ACP7: variants seen among roughly 807,000 people sequenced by gnomAD.
ACP7 encodes acid phosphatase 7, tartrate resistant (putative).
In ACP7, 58 loss-of-function variants were observed where a neutral mutation model predicts 60.6. That is an observed-to-expected ratio of 0.96 (90% CI 0.77 to 1.19). The LOEUF is 1.19. ACP7 is among the 50% of genes most tolerant of loss of function. ACP7 has a pLI of 0.00. For synonymous variants in ACP7, 237 were observed against 232.6 expected, an observed-to-expected ratio of 1.02 and a Z score of -0.17; for missense variants, 574 against 596.2, an observed-to-expected ratio of 0.96 and a Z score of 0.39.
intron 4 of ACP7, 34 bp downstream of exon 4, chr19:39,099,176 T>G (rs1399465977): frequency 5.8e-5 from 75 of 1,302,320 alleles, no homozygotes; most frequent in South Asian, 1.6e-4. Flanking sequence ...GCAGGGACGG[T>G]GGGGGGCGCG....
At chr19:39,102,739 C>CTT (rs1317052824) in intron 11 of ACP7, among the ~76,000 whole-genome samples, 10 of 82,272 alleles carry the variant, frequency 1.2e-4, no homozygotes, top group Non-Finnish European at 1.8e-4. Context: ...TTCTTTCTTT[C>CTT]TTTCTTTCTT....
chr19:39,090,030 C>G (rs2073186175), intron 2 of ACP7, among the ~76,000 whole-genome samples: 1 of 152,184 alleles, frequency 6.6e-6, no homozygotes, highest in Non-Finnish European at 1.5e-5. Flanking sequence ...TGTTTGCTCA[C>G]TAATTTTAGC....
At chr19:39,086,327 T>TA (rs961897907) in intron 2 of ACP7, among the ~76,000 whole-genome samples, 41 of 144,462 alleles carry the variant, frequency 2.8e-4, no homozygotes, top group South Asian at 6.5e-4. Context: ...ACCCTGTCTT[T>TA]AAAAAAAAAA....
rs1437689941 is a variant in ACP7 at position 39,100,612 on chromosome 19, T to C, written c.662T>C (p.Met221Thr). The C allele has an allele frequency of 6.2e-7, 1 of 1,613,918 alleles. No homozygotes were observed. The highest frequency in any genetic ancestry group is 1.3e-5 in the African/African-American group (1 of 74,868). Residue 221 changes from methionine to threonine, a missense_variant, in exon 6 of 13, where the codon ATG becomes ACG. Met to Thr is a moderately conservative substitution (Grantham distance 81). Coordinates refer to ENST00000331256, the MANE Select transcript of ACP7 (RefSeq NM_001004318.3). ...TCTAACTACAAGGCTCGCTTCAGCA[T>C]GCCGGGGGATAATGAGGGCCTGTGG... ...NFSNYKARFS[M>T]PGDNEGLWYS...
rs1262444641 is a variant in ACP7, at chr19:39,102,732, TTTC to T, written c.1113+1198_1113+1200del. ...ATGAAGACTTTTCTTTCTTTCTTTC[TTTC>T]TTTCTTTCTTTCTTTCTTTCTTTCT... On this transcript the variant is annotated intron_variant, in intron 11 of 12. Transcript: ENST00000331256. 1.8e-3 allele frequency among the ~76,000 whole-genome samples: 136 copies of T among 76,892 alleles called. 2 individuals carry two copies. The highest frequency in any genetic ancestry group is 5.5e-3 in the African/African-American group (120 of 21,696). 50.4% of individuals were successfully genotyped at this position (76,892 alleles called of 152,430 possible). A position where few individuals can be genotyped will look rare whatever the true frequency, so the allele number is the denominator to read the frequency against.
rs745789284 is a variant in ACP7, at chr19:39,098,504, C to A, written c.168C>A (p.Thr56=). 7 of 1,606,342 alleles carry A rather than the reference C, an allele frequency of 4.4e-6. No individual in the cohort carries two copies. In the African/African-American group the frequency reaches 5.4e-5, roughly 12 times the overall value. ...MTVTWTTWVP[T]RSEVQFGLQP... ...TAACTTGGACCACATGGGTCCCAAC[C>A]CGCTCTGAAGTGCAATTCGGGTTGC... is the stretch of plus-strand genomic sequence containing the variant. The change falls in exon 3 of 13, where the codon ACC becomes ACA. Residue 56 remains threonine (T), a synonymous_variant. Coordinates refer to ENST00000331256, the MANE Select transcript of ACP7 (RefSeq NM_001004318.3).
chr19:39,100,812 T>G lies in ACP7; in HGVS notation c.766T>G (p.Leu256Val). ...TTTCTTTCTCCATTATGGCCGCCAC[T>G]TGGTACAGAGGCAGTTTCGCTGGCT... ...VYFFLHYGRH[L>V]VQRQFRWLES... The change falls in exon 7 of 13, where the codon TTG becomes GTG. Residue 256 changes from leucine to valine, a missense_variant. By Grantham distance (32) the Leu-to-Val change is conservative. Coordinates refer to ENST00000331256, the MANE Select transcript of ACP7 (RefSeq NM_001004318.3). 1 of 1,613,988 alleles carries G rather than the reference T, an allele frequency of 6.2e-7. No individual in the cohort carries two copies. The highest frequency in any genetic ancestry group is 8.5e-7 in the Non-Finnish European group (1 of 1,180,002).
intron 5 of ACP7, 103 bp from the exon 6 acceptor site, chr19:39,100,477 G>A (rs2073326622): frequency 6.9e-6 from 11 of 1,601,620 alleles, no homozygotes; most frequent in East Asian, 6.7e-5. Flanking sequence ...GGAGATGGGG[G>A]TGGGCTGGAA....
intron 2 of ACP7, among the ~76,000 whole-genome samples, chr19:39,088,528 G>T (rs997728062): frequency 6.6e-6 from 1 of 152,152 alleles, no homozygotes; most frequent in Non-Finnish European, 1.5e-5. Flanking sequence ...AGCCTACACA[G>T]TAACAATGGC....
intron 2 of ACP7, among the ~76,000 whole-genome samples, chr19:39,096,487 T>G (rs910646832): frequency 1.3e-5 from 2 of 152,198 alleles, no homozygotes; most frequent in Non-Finnish European, 2.9e-5. Context: ...TATCAGTATT[T>G]TTGTCAAAGC....
chr19:39,098,253 CAAAAAAAAA>C (rs59373149), intron 2 of ACP7, among the ~76,000 whole-genome samples, 196 bp from the exon 3 acceptor site: 1,731 of 65,048 alleles, frequency 0.027, 27 homozygotes, highest in Non-Finnish European at 0.037. Flanking sequence ...GACCCTGACT[CAAAAAAAAA>C]AAAAAAAAAA....
Position 39,109,322 on chromosome 19 carries a change from C to T in ACP7, c.1252-731C>T, listed in dbSNP as rs1220238198. Among the ~76,000 whole-genome samples the T allele has an allele frequency of 4.6e-5, 7 of 152,122 alleles. No homozygotes were observed. The South Asian group carries it at 6.2e-4, about 14-fold the overall frequency. On this transcript the variant is annotated intron_variant, in intron 12 of 12. Coordinates refer to ENST00000331256, the MANE Select transcript of ACP7 (RefSeq NM_001004318.3). The stretch of plus-strand genomic sequence containing the variant: ...GCAGACTTTTGTGTGCATGATCTCA[C>T]TCTGTTCTCATGATGACTCTGGGCA...
chr19:39,107,142 T>A, intron 12 of ACP7, 58 bp downstream of exon 12: 1 of 1,550,294 alleles, frequency 6.5e-7, no homozygotes, highest in Non-Finnish European at 8.7e-7. Context: ...TCCAAGCAAA[T>A]GAGCTGTTAA....
intron 2 of ACP7, among the ~76,000 whole-genome samples, chr19:39,095,572 T>C (rs967585916): frequency 6.6e-6 from 1 of 152,214 alleles, no homozygotes; most frequent in Non-Finnish European, 1.5e-5. Flanking sequence ...TTCTGCAGCT[T>C]TTCCAGGAAC....
intron 2 of ACP7, among the ~76,000 whole-genome samples, chr19:39,094,239 C>G (rs946831791): frequency 2.6e-5 from 4 of 151,968 alleles, no homozygotes; most frequent in African/African-American, 9.7e-5. Flanking sequence ...GGTGGCTCAC[C>G]CAAAGTGCTG....
chr19:39,091,600 T>C (rs2144974715), intron 2 of ACP7, among the ~76,000 whole-genome samples: 1 of 152,320 alleles, frequency 6.6e-6, no homozygotes, highest in East Asian at 1.9e-4. Flanking sequence ...AAGCTGCATA[T>C]TCACACATCT....
chr19:39,095,186 T>TTCAGCATTAAG (rs1169388764), intron 2 of ACP7, among the ~76,000 whole-genome samples: 2 of 152,108 alleles, frequency 1.3e-5, no homozygotes, highest in East Asian at 1.9e-4. Flanking sequence ...CTTAACTCAT[T>TTCAGCATTAAG]TCAGCATTAA....
intron 2 of ACP7, among the ~76,000 whole-genome samples, chr19:39,086,065 T>C (rs2073137875): frequency 6.6e-6 from 1 of 152,154 alleles, no homozygotes; most frequent in Admixed American, 6.6e-5. Context: ...GGCTCACACC[T>C]GTAGTCTTAG....
Position 39,099,084 on chromosome 19 carries a change from C to T in ACP7, c.447C>T (p.Ala149=), listed in dbSNP as rs112336260. 1.8e-5 allele frequency: 29 copies of T among 1,603,248 alleles called. No individual in the cohort carries two copies. The African/African-American group carries it at 1.9e-4, about 10-fold the overall frequency. ...ACCTGGGGGCTGACAACCCGAAGGC[C>T]GTCCCCCGGCTGCGCAGGGACACCC... The part of the protein sequence containing the change: ...FGDLGADNPK[A]VPRLRRDTQQ... Residue 149 remains alanine (A), a synonymous_variant, in exon 4 of 13, where the codon GCC becomes GCT. Coordinates refer to ENST00000331256, the MANE Select transcript of ACP7 (RefSeq NM_001004318.3).
Sources: gnomAD v4.1 joint callset for allele counts (sites outside exome capture counted in the v4.1 genomes callset) on GRCh38, gnomAD v4.1.1 for gene constraint, MANE v1.5 for transcripts, NCBI Gene and HGNC (gene_info 2026-07-23, HGNC 2026-07-21) for gene names.